The following ST8SIA6 variants were observed in gnomAD, a reference collection of about 807,000 sequenced individuals.
ST8SIA6 encodes ST8 alpha-N-acetyl-neuraminide alpha-2,8-sialyltransferase 6, also known as alpha-2,8-sialyltransferase 8F.
In ST8SIA6, 39 loss-of-function variants were observed where a neutral mutation model predicts 33.6. That is an observed-to-expected ratio of 1.16 (90% CI 0.90 to 1.52). The LOEUF (loss-of-function observed/expected upper bound fraction) is 1.52. Among genes scored for constraint, ST8SIA6 ranks in the 40% most tolerant of loss-of-function variants. ST8SIA6 has a pLI of 0.00. For synonymous variants in ST8SIA6, 172 were observed against 167.2 expected, an observed-to-expected ratio of 1.03 and a Z score of -0.22; for missense variants, 441 against 443.8, an observed-to-expected ratio of 0.99 and a Z score of 0.06.
At chr10:17,420,280 C>T (rs568294543) in intron 2 of ST8SIA6, among the ~76,000 whole-genome samples, 5 of 152,132 alleles carry the variant, frequency 3.3e-5, no homozygotes, top group Non-Finnish European at 5.9e-5. Flanking sequence ...GGTGTGGTGG[C>T]GGGCGCCTGT....
In ST8SIA6 at chr10:17,380,749, A is replaced by G. The variant is rs555590352; in HGVS notation, c.290+9782T>C. On this transcript the variant is annotated intron_variant, in intron 3 of 7. Coordinates refer to ENST00000377602, the MANE Select transcript of ST8SIA6 (RefSeq NM_001004470.3). The stretch of plus-strand genomic sequence containing the variant: ...GCTAACAGCCAAGATGTGTGTGTGT[A>G]TGTGTTCATGTTTGTGTGTATGTGT... 3.4e-4 allele frequency among the ~76,000 whole-genome samples: 51 copies of G among 148,370 alleles called. 1 individual carries two copies. The South Asian group carries it at 9.1e-3, about 26-fold the overall frequency.
intron 5 of ST8SIA6, among the ~76,000 whole-genome samples, chr10:17,329,196 G>T (rs1332529153): frequency 6.6e-6 from 1 of 152,152 alleles, no homozygotes; most frequent in Non-Finnish European, 1.5e-5. Context: ...TTATGCAAGA[G>T]GCACTATTTC....
At chr10:17,406,791 CTTT>C (rs1281929219) in intron 2 of ST8SIA6, among the ~76,000 whole-genome samples, 16 of 114,508 alleles carry the variant, frequency 1.4e-4, no homozygotes, top group Admixed American at 6.3e-4. Context: ...GAGGGCTAAT[CTTT>C]TTTTTTTTTT....
Position 17,453,580 on chromosome 10 carries a change from G to A in ST8SIA6, c.179C>T (p.Ala60Val), listed in dbSNP as rs1014376281. The A allele has an allele frequency of 2.3e-6, 3 of 1,325,688 alleles. No homozygotes were observed. Among genetic ancestry groups the A allele is most frequent in the African/African-American group, 1.5e-5 (1 of 66,412 alleles). 82.1% of individuals were successfully genotyped at this position (1,325,688 alleles called of 1,614,324 possible). Residue 60 changes from alanine (A) to valine (V), a missense_variant, in exon 2 of 8, where the codon GCG becomes GTG. Ala to Val is a moderately conservative substitution (Grantham distance 64). Coordinates refer to ENST00000377602, the MANE Select transcript of ST8SIA6 (RefSeq NM_001004470.3). Reference protein sequence around the residue: ...ALRTLRSPATAVPRATNSTYL... With the variant: ...ALRTLRSPATVVPRATNSTYL... ...GTACCTGTTAGTGGCGCGCGGTACCGCGGTCGCCGGGCTCCGGAGCGTCCT... is the reference window on the plus strand; with the variant it reads ...GTACCTGTTAGTGGCGCGCGGTACCACGGTCGCCGGGCTCCGGAGCGTCCT...
chr10:17,333,413 G>A (rs7094456), intron 4 of ST8SIA6, among the ~76,000 whole-genome samples: 51,647 of 151,198 alleles, frequency 0.34, 10,167 homozygotes, highest in African/African-American at 0.53. Flanking sequence ...TATGGAACCA[G>A]AAAAGAGCCC....
chr10:17,348,572 C>T (rs1332757020), intron 4 of ST8SIA6, among the ~76,000 whole-genome samples: 1 of 152,160 alleles, frequency 6.6e-6, no homozygotes, highest in African/African-American at 2.4e-5. Context: ...CAGTTCAGTT[C>T]TGCTCATGGC....
intron 2 of ST8SIA6, among the ~76,000 whole-genome samples, chr10:17,406,306 A>T (rs992932868): frequency 6.6e-6 from 1 of 152,204 alleles, no homozygotes; most frequent in African/African-American, 2.4e-5. Context: ...CAACAAAGCC[A>T]GGAGATTCTG....
At chr10:17,324,215 C>T (rs1001144186) in intron 6 of ST8SIA6, among the ~76,000 whole-genome samples, 1 of 152,024 alleles carries the variant, frequency 6.6e-6, no homozygotes, top group African/African-American at 2.4e-5. Flanking sequence ...TTGAGTGCTT[C>T]CTAAGGAAGG....
intron 4 of ST8SIA6, among the ~76,000 whole-genome samples, chr10:17,359,289 A>C (rs1849304907): frequency 6.6e-6 from 1 of 152,162 alleles, no homozygotes; most frequent in Non-Finnish European, 1.5e-5. Context: ...CTTTCTTTTG[A>C]ATTTGGGAAC....
intron 3 of ST8SIA6, among the ~76,000 whole-genome samples, chr10:17,382,808 G>A (rs899145568): frequency 1.3e-5 from 2 of 152,308 alleles, no homozygotes. Context: ...CCATAAGATC[G>A]TAAGGGCCGA....
chr10:17,323,340 T>C (rs1169688902), intron 6 of ST8SIA6, among the ~76,000 whole-genome samples, 183 bp from the exon 7 acceptor site: 1 of 151,726 alleles, frequency 6.6e-6, no homozygotes, highest in Non-Finnish European at 1.5e-5. Context: ...TTATTTACTT[T>C]AATAATTACT....
intron 2 of ST8SIA6, among the ~76,000 whole-genome samples, chr10:17,443,807 G>A (rs763517242): frequency 7.9e-5 from 12 of 152,110 alleles, no homozygotes; most frequent in Admixed American, 3.3e-4. Flanking sequence ...ACAAGGCATC[G>A]GGGAAGAAAA....
At chr10:17,363,562 T>A (rs1236431285) in intron 3 of ST8SIA6, among the ~76,000 whole-genome samples, 1 of 152,240 alleles carries the variant, frequency 6.6e-6, no homozygotes, top group Non-Finnish European at 1.5e-5. Flanking sequence ...TTTGTTGGCA[T>A]GGCATGGGTG....
intron 3 of ST8SIA6, among the ~76,000 whole-genome samples, chr10:17,374,438 G>A (rs1462861879): frequency 2.1e-5 from 3 of 141,394 alleles, no homozygotes; most frequent in Admixed American, 7.1e-5. Context: ...CCTCTGCAGG[G>A]TGTGGTGGCT....
chr10:17,364,608 G>A (rs1369542114), intron 3 of ST8SIA6, among the ~76,000 whole-genome samples: 3 of 152,182 alleles, frequency 2.0e-5, no homozygotes, highest in African/African-American at 2.4e-5. Context: ...TTTAGTGAAA[G>A]TTAAATCACC....
At chr10:17,373,305 T>C (rs1849792735) in intron 3 of ST8SIA6, among the ~76,000 whole-genome samples, 1 of 152,196 alleles carries the variant, frequency 6.6e-6, no homozygotes, top group Non-Finnish European at 1.5e-5. Flanking sequence ...TTCCACCTCA[T>C]TTAAATCCTA....
chr10:17,354,893 C>G (rs1161544772), intron 4 of ST8SIA6, among the ~76,000 whole-genome samples: 2 of 152,154 alleles, frequency 1.3e-5, no homozygotes, highest in African/African-American at 4.8e-5. Flanking sequence ...CTTTCATGGA[C>G]TTCAGATTAA....
At chr10:17,396,320 C>T (rs544059248) in intron 2 of ST8SIA6, among the ~76,000 whole-genome samples, 2 of 152,238 alleles carry the variant, frequency 1.3e-5, no homozygotes, top group South Asian at 4.2e-4. Context: ...AAAAATCATG[C>T]GGGTGGTTTG....
chr10:17,414,429 G>A (rs1851543213), intron 2 of ST8SIA6, among the ~76,000 whole-genome samples: 2 of 152,148 alleles, frequency 1.3e-5, no homozygotes, highest in South Asian at 4.1e-4. Flanking sequence ...AAAAATAGAA[G>A]CCTGCAGAGG....
Sources: allele counts gnomAD v4.1 joint callset (sites outside exome capture counted in the v4.1 genomes callset), GRCh38; gene constraint gnomAD v4.1.1; transcripts MANE v1.5; gene names NCBI Gene and HGNC (gene_info 2026-07-23, HGNC 2026-07-21).